The following NOL4 variants were observed in gnomAD, a reference collection of about 807,000 sequenced individuals.
NOL4 encodes the protein cancer/testis antigen 125.
Under a neutral mutation model 75.9 loss-of-function variants are expected in NOL4, and 17 were observed. The ratio of observed to expected loss-of-function variants is 0.22; its 90% confidence interval spans 0.15 to 0.34. The LOEUF (loss-of-function observed/expected upper bound fraction) is 0.34. NOL4 is among the 10% of genes least tolerant of loss of function. NOL4 has a pLI of 1.00. For synonymous variants in NOL4, 292 were observed against 289.9 expected, an observed-to-expected ratio of 1.01 and a Z score of -0.07; for missense variants, 614 against 793.5, an observed-to-expected ratio of 0.77 and a Z score of 2.72.
chr18:33,905,349 A>G (rs1310819765), intron 9 of NOL4, among the ~76,000 whole-genome samples: 1 of 152,172 alleles, frequency 6.6e-6, no homozygotes, highest in African/African-American at 2.4e-5. Flanking sequence ...GTGCTGCTGA[A>G]TACCCATTCA....
chr18:33,996,116 C>T (rs2073264455), intron 6 of NOL4, among the ~76,000 whole-genome samples: 1 of 151,652 alleles, frequency 6.6e-6, no homozygotes, highest in African/African-American at 2.4e-5. Flanking sequence ...GACAAGGATG[C>T]ATGCTCTCAC....
intron 6 of NOL4, among the ~76,000 whole-genome samples, chr18:33,969,230 T>C (rs1335687690): frequency 6.6e-6 from 1 of 152,216 alleles, no homozygotes; most frequent in Non-Finnish European, 1.5e-5. Flanking sequence ...TATGATAATA[T>C]AATTCATTCC....
intron 10 of NOL4, among the ~76,000 whole-genome samples, chr18:33,877,766 A>T (rs1031728309): frequency 1.3e-5 from 2 of 151,854 alleles, no homozygotes; most frequent in African/African-American, 4.8e-5. Context: ...CAAATTTCCT[A>T]TGTGGCTTTT....
intron 4 of NOL4, among the ~76,000 whole-genome samples, chr18:34,096,584 T>C (rs1366287153): frequency 6.6e-6 from 1 of 152,116 alleles, no homozygotes; most frequent in Non-Finnish European, 1.5e-5. Flanking sequence ...TATTCATGAT[T>C]ATCTCTAGAC....
At chr18:34,176,193 T>A (rs1033774366) in intron 1 of NOL4, among the ~76,000 whole-genome samples, 7 of 152,034 alleles carry the variant, frequency 4.6e-5, no homozygotes, top group Non-Finnish European at 7.4e-5. Context: ...TCAATGAAAT[T>A]AAAAATTTAC....
At chr18:33,933,325 T>C (rs1169044249) in intron 9 of NOL4, among the ~76,000 whole-genome samples, 1 of 152,162 alleles carries the variant, frequency 6.6e-6, no homozygotes. Context: ...CTTGACTCGA[T>C]ATTGATGGCT....
At chr18:33,875,256 T>G (rs1465590683) in intron 10 of NOL4, among the ~76,000 whole-genome samples, 2 of 152,128 alleles carry the variant, frequency 1.3e-5, no homozygotes, top group South Asian at 4.1e-4. Flanking sequence ...CAAAGTCCTA[T>G]GTAAATGGTG....
chr18:34,184,355 G>T (rs2146351023), intron 1 of NOL4, among the ~76,000 whole-genome samples: 1 of 152,002 alleles, frequency 6.6e-6, no homozygotes, highest in East Asian at 1.9e-4. Context: ...TAAGAAGCAT[G>T]AATCAATTTC....
intron 1 of NOL4, among the ~76,000 whole-genome samples, chr18:34,180,175 G>T (rs1286015857): frequency 6.6e-6 from 1 of 151,384 alleles, no homozygotes; most frequent in African/African-American, 2.4e-5. Flanking sequence ...ATCATGCAAT[G>T]ATTTCACAGG....
intron 5 of NOL4, among the ~76,000 whole-genome samples, chr18:34,024,188 A>ATATATATATATATATATAT (rs1333196318): frequency 9.3e-5 from 6 of 64,594 alleles, no homozygotes; most frequent in Non-Finnish European, 2.1e-4. Flanking sequence ...CAGGAAAAAA[A>ATATATATATATATATATAT]AAAAAAATAT....
intron 5 of NOL4, among the ~76,000 whole-genome samples, chr18:34,077,633 C>T (rs1001390773): frequency 6.6e-5 from 10 of 151,920 alleles, no homozygotes; most frequent in Admixed American, 3.9e-4. Flanking sequence ...ACCAAAGATC[C>T]TAATTTTAAG....
Position 34,019,490 on chromosome 18 carries a change from G to A in NOL4, c.884C>T (p.Thr295Ile). ...EMGDSNSDGK[T>I]GLEQDEQPLN... The stretch of plus-strand genomic sequence containing the variant: ...TGGCTGTTCATCTTGCTCCAGCCCA[G>A]TTTTGCCATCACTGTTGGAGTCTCC... The change falls in exon 6 of 11, where the codon ACT (threonine) becomes ATT (isoleucine). Residue 295 changes from threonine (T) to isoleucine (I), a missense_variant. Transcript: ENST00000261592. 4 of 1,614,036 alleles carry A rather than the reference G, an allele frequency of 2.5e-6. No homozygotes were observed. Among genetic ancestry groups the A allele is most frequent in the Non-Finnish European group, 3.4e-6 (4 of 1,179,998 alleles).
chr18:34,072,923 CAT>C (rs1392267476), intron 5 of NOL4, among the ~76,000 whole-genome samples: 9 of 152,052 alleles, frequency 5.9e-5, no homozygotes, highest in East Asian at 5.8e-4. Context: ...TGTATCAAAA[CAT>C]GTGTAAGGAA....
chr18:34,138,513 C>T (rs1005138070), intron 1 of NOL4, among the ~76,000 whole-genome samples: 1 of 152,056 alleles, frequency 6.6e-6, no homozygotes, highest in African/African-American at 2.4e-5. Context: ...TTAGGAGGGA[C>T]AAAATGTTCC....
chr18:34,162,771 C>A (rs562974212), intron 1 of NOL4, among the ~76,000 whole-genome samples: 7 of 152,012 alleles, frequency 4.6e-5, no homozygotes, highest in Admixed American at 2.6e-4. Context: ...TACCAAAGCC[C>A]GGCAGAGACA....
intron 1 of NOL4, among the ~76,000 whole-genome samples, chr18:34,204,232 G>A (rs187179624): frequency 5.9e-5 from 9 of 151,718 alleles, no homozygotes; most frequent in African/African-American, 9.7e-5. Flanking sequence ...AGGAAAGTCC[G>A]TGCTCTTTGA....
intron 9 of NOL4, among the ~76,000 whole-genome samples, chr18:33,909,901 T>G (rs185482916): frequency 6.6e-6 from 1 of 152,128 alleles, no homozygotes; most frequent in Admixed American, 6.5e-5. Context: ...TGTAAACTAA[T>G]GATTGGGGAT....
intron 6 of NOL4, among the ~76,000 whole-genome samples, chr18:34,007,594 A>G (rs1049569468): frequency 6.6e-6 from 1 of 152,020 alleles, no homozygotes; most frequent in African/African-American, 2.4e-5. Context: ...TATTAAGCAA[A>G]TATCTTTGTT....
intron 5 of NOL4, among the ~76,000 whole-genome samples, chr18:34,082,342 T>A (rs529804881): frequency 6.6e-5 from 10 of 151,980 alleles, no homozygotes; most frequent in Non-Finnish European, 7.4e-5. Flanking sequence ...TAAATTAGCC[T>A]CCGTGTCCTC....
Sources: gnomAD v4.1 joint callset for allele counts (sites outside exome capture counted in the v4.1 genomes callset) on GRCh38, gnomAD v4.1.1 for gene constraint, MANE v1.5 for transcripts, NCBI Gene and HGNC (gene_info 2026-07-23, HGNC 2026-07-21) for gene names.